CTNNA3: variants seen among roughly 807,000 people sequenced by gnomAD.
CTNNA3 encodes the protein catenin alpha 3, also known as catenin alpha-3.
In CTNNA3, 76 loss-of-function variants were observed where a neutral mutation model predicts 95.7. The ratio of observed to expected loss-of-function variants is 0.79; its 90% CI spans 0.66 to 0.96. The LOEUF is 0.96. Among genes scored for constraint, CTNNA3 ranks in the 40% least tolerant of loss-of-function variants. The pLI, the probability that CTNNA3 is intolerant of heterozygous loss-of-function variation, is 0.00. For missense variants in CTNNA3, 1,191 were observed against 1,089.8 expected, an observed-to-expected ratio of 1.09 and a Z score of -1.31; for synonymous variants, 431 against 374.4, an observed-to-expected ratio of 1.15 and a Z score of -1.74.
At chr10:66,671,953 ATT>A (rs1846676133) in intron 9 of CTNNA3, among the ~76,000 whole-genome samples, 1 of 152,188 alleles carries the variant, frequency 6.6e-6, no homozygotes, top group Non-Finnish European at 1.5e-5. Context: ...AATGCTGGTT[ATT>A]ATTCTTGAAG....
At chr10:66,109,421 ATCTACCACACACAT>A (rs2082034329) in intron 13 of CTNNA3, among the ~76,000 whole-genome samples, 1 of 152,186 alleles carries the variant, frequency 6.6e-6, no homozygotes, top group Admixed American at 6.5e-5. Flanking sequence ...CCTAGCTTCT[ATCTACCACACACAT>A]TTGGACCCTC....
At chr10:67,564,677 G>GTATGTATATATATATATATATA (rs1554854250) in intron 3 of CTNNA3, among the ~76,000 whole-genome samples, 1 of 61,334 alleles carries the variant, frequency 1.6e-5, no homozygotes, top group African/African-American at 6.4e-5. Flanking sequence ...GTGTGTGTGT[G>GTATGTATATATATATATATATA]TATATATATA....
chr10:67,270,172 C>T (rs147956678), intron 5 of CTNNA3, among the ~76,000 whole-genome samples: 16 of 150,960 alleles, frequency 1.1e-4, no homozygotes, highest in Middle Eastern at 3.4e-3. Flanking sequence ...CCTGATTTGT[C>T]CCTTTTTCGA....
At chr10:66,354,207 C>T (rs2092590209) in intron 12 of CTNNA3, among the ~76,000 whole-genome samples, 1 of 151,910 alleles carries the variant, frequency 6.6e-6, no homozygotes, top group East Asian at 1.9e-4. Flanking sequence ...ATCGCTTGAA[C>T]CCGGGAGGTG....
At chr10:67,398,681 A>G (rs1252129224) in intron 5 of CTNNA3, among the ~76,000 whole-genome samples, 2 of 152,138 alleles carry the variant, frequency 1.3e-5, no homozygotes, top group African/African-American at 4.8e-5. Context: ...CTTATCTTGA[A>G]TTTAGTTCCC....
At chr10:66,043,726 C>T (rs1461439334) in intron 15 of CTNNA3, among the ~76,000 whole-genome samples, 1 of 152,132 alleles carries the variant, frequency 6.6e-6, no homozygotes, top group African/African-American at 2.4e-5. Context: ...TATGTTTTCA[C>T]CTGTGGACCG....
At chr10:67,170,872 G>T (rs895057128) in intron 7 of CTNNA3, among the ~76,000 whole-genome samples, 1 of 152,134 alleles carries the variant, frequency 6.6e-6, no homozygotes, top group African/African-American at 2.4e-5. Context: ...TATTGAACAC[G>T]AAATATGGTT....
intron 7 of CTNNA3, among the ~76,000 whole-genome samples, chr10:67,058,916 TC>T (rs1319072101): frequency 6.6e-6 from 1 of 152,132 alleles, no homozygotes; most frequent in East Asian, 1.9e-4. Flanking sequence ...TAGGCAGGCG[TC>T]AAGGACATTG....
intron 13 of CTNNA3, among the ~76,000 whole-genome samples, chr10:66,279,099 G>T (rs895368098): frequency 6.6e-6 from 1 of 151,990 alleles, no homozygotes; most frequent in South Asian, 2.1e-4. Context: ...AAGCCTCAGT[G>T]TACTAGATTC....
At chr10:66,206,473 A>T (rs1234713771) in intron 13 of CTNNA3, among the ~76,000 whole-genome samples, 1 of 151,846 alleles carries the variant, frequency 6.6e-6, no homozygotes, top group African/African-American at 2.4e-5. Flanking sequence ...AGATTCATAC[A>T]CTTGAGTATT....
At chr10:66,460,795 CT>C (rs1342403766) in intron 11 of CTNNA3, among the ~76,000 whole-genome samples, 2 of 152,232 alleles carry the variant, frequency 1.3e-5, no homozygotes, top group Non-Finnish European at 2.9e-5. Context: ...ATTATGCATT[CT>C]TTCTTGCTTT....
intron 16 of CTNNA3, among the ~76,000 whole-genome samples, chr10:65,975,320 C>A (rs1476888147): frequency 6.6e-6 from 1 of 151,816 alleles, no homozygotes; most frequent in Non-Finnish European, 1.5e-5. Context: ...TCCCTCAAAT[C>A]TCCTCAAAAG....
At chr10:66,911,296 G>T (rs1265484278) in intron 7 of CTNNA3, among the ~76,000 whole-genome samples, 1 of 152,152 alleles carries the variant, frequency 6.6e-6, no homozygotes, top group Non-Finnish European at 1.5e-5. Context: ...TAAAAAATTT[G>T]TATAGTTCCC....
At chr10:67,733,422 T>A (rs1564842796) in intron 1 of CTNNA3, among the ~76,000 whole-genome samples, 1 of 152,106 alleles carries the variant, frequency 6.6e-6, no homozygotes, top group African/African-American at 2.4e-5. Context: ...CTACTCTACA[T>A]CCGTAGATCA....
intron 13 of CTNNA3, among the ~76,000 whole-genome samples, chr10:66,274,778 C>G (rs1291399670): frequency 6.6e-6 from 1 of 152,076 alleles, no homozygotes; most frequent in Non-Finnish European, 1.5e-5. Context: ...ATAAAAGAGT[C>G]TGCTGAGAAT....
chr10:66,379,589 C>G (rs971800515), intron 11 of CTNNA3, among the ~76,000 whole-genome samples: 1 of 152,096 alleles, frequency 6.6e-6, no homozygotes, highest in East Asian at 1.9e-4. Flanking sequence ...GTATTGACTG[C>G]ATATTATTTT....
chr10:67,347,666 C>T (rs1427712878), intron 5 of CTNNA3, among the ~76,000 whole-genome samples: 1 of 151,796 alleles, frequency 6.6e-6, no homozygotes, highest in Non-Finnish European at 1.5e-5. Context: ...TAACATGTTG[C>T]TCTTATCAAT....
At chr10:66,493,375 CT>C (rs1429853322) in intron 11 of CTNNA3, among the ~76,000 whole-genome samples, 1 of 152,080 alleles carries the variant, frequency 6.6e-6, no homozygotes, top group Non-Finnish European at 1.5e-5. Flanking sequence ...AAAACAGGAG[CT>C]TTTAATAGCT....
intron 1 of CTNNA3, among the ~76,000 whole-genome samples, chr10:67,656,932 A>G (rs1564813321): frequency 1.3e-5 from 2 of 152,204 alleles, no homozygotes; most frequent in Admixed American, 6.5e-5. Context: ...TTTTATTTAG[A>G]GGAATCACTC....
Sources: gnomAD v4.1 joint callset for allele counts (sites outside exome capture counted in the v4.1 genomes callset) on GRCh38, gnomAD v4.1.1 for gene constraint, MANE v1.5 for transcripts, NCBI Gene and HGNC (gene_info 2026-07-23, HGNC 2026-07-21) for gene names.